The following HLCS variants were observed in gnomAD, a reference collection of about 807,000 sequenced individuals.
The protein encoded by HLCS is holocarboxylase synthetase.
A neutral mutation model predicts 75.0 loss-of-function variants in HLCS; 53 were observed. That is an observed-to-expected ratio of 0.71 (90% CI 0.57 to 0.89). The LOEUF is 0.89. HLCS is among the 40% of genes least tolerant of loss of function. The pLI is 0.00. For missense variants in HLCS, 966 were observed against 1,074.0 expected (o/e 0.90, Z 1.41); for synonymous variants, 431 against 428.6 (o/e 1.01, Z -0.07).
chr21:36,758,926 G>A (rs556062483), intron 9 of HLCS, among the ~76,000 whole-genome samples: 29 of 151,936 alleles, frequency 1.9e-4, no homozygotes, highest in Non-Finnish European at 4.0e-4. Context: ...GGAGGCTGCA[G>A]TGAGCCGAGA....
intron 5 of HLCS, among the ~76,000 whole-genome samples, chr21:36,911,836 C>G (rs1206429089): frequency 6.6e-6 from 1 of 150,908 alleles, no homozygotes; most frequent in Non-Finnish European, 1.5e-5. Context: ...TGGGAGGGGC[C>G]GAGGTGGGTG....
At position 36,752,575 on chromosome 21, in the gene HLCS, T is replaced by G. The variant is rs1321359313; in HGVS notation, c.*1671A>C. The G allele has an allele frequency of 6.6e-6, 1 of 152,660 alleles. No homozygotes were observed. The highest frequency in any genetic ancestry group is 2.1e-4 in the South Asian group (1 of 4,822). The allele number at this position is 152,660 out of a possible 1,614,324, so 9.5% of individuals were successfully genotyped here. On this transcript the variant is annotated 3_prime_UTR_variant, in exon 11 of 11. Transcript: ENST00000674895. ...ATTTGGGGATGGTGTGGACTTGTAT[T>G]TTACTTAAGTTTCTAACTAATTTTG...
At chr21:36,798,007 A>T (rs1253584543) in intron 6 of HLCS, among the ~76,000 whole-genome samples, 1 of 151,990 alleles carries the variant, frequency 6.6e-6, no homozygotes, top group Non-Finnish European at 1.5e-5. Context: ...AGAGCTAAGG[A>T]TGGTGGGGAG....
Position 36,754,190 on chromosome 21 carries a change from T to G in HLCS, c.*56A>C. On this transcript the variant is annotated 3_prime_UTR_variant, in exon 11 of 11. Transcript: ENST00000674895. ...AGAAAATTCACCTACAACTCTAAAT[T>G]AGATTTCCAGATGCATGGGCACGGA... is the stretch of plus-strand genomic sequence containing the variant. 6.4e-7 allele frequency: 1 copy of G among 1,552,288 alleles called. No individual in the cohort carries two copies. Among genetic ancestry groups the G allele is most frequent in the Admixed American group, 1.7e-5 (1 of 59,192 alleles).
chr21:36,989,558 A>C (rs369094045), intron 1 of HLCS, among the ~76,000 whole-genome samples: 22 of 152,098 alleles, frequency 1.4e-4, no homozygotes, highest in African/African-American at 4.6e-4. Flanking sequence ...CGAACTCCTG[A>C]CCTCAAGTGA....
intron 1 of HLCS, among the ~76,000 whole-genome samples, chr21:36,963,548 T>C (rs1346880849): frequency 6.6e-6 from 1 of 151,802 alleles, no homozygotes; most frequent in African/African-American, 2.4e-5. Flanking sequence ...AGGTTGGGAA[T>C]TGGAGACCAG....
At chr21:36,851,931 G>C (rs980352355) in intron 6 of HLCS, 1 of 152,270 alleles carries the variant, frequency 6.6e-6, no homozygotes, top group South Asian at 2.1e-4. Context: ...GTAAGAGCCC[G>C]CAGGCACCCT....
intron 2 of HLCS, among the ~76,000 whole-genome samples, chr21:36,960,224 T>C (rs911825190): frequency 4.8e-5 from 7 of 146,782 alleles, no homozygotes; most frequent in East Asian, 2.0e-4. Flanking sequence ...TCTGAGCTGG[T>C]AGAATGAGCT....
At chr21:36,921,335 C>T (rs543118389) in intron 5 of HLCS, among the ~76,000 whole-genome samples, 1 of 152,280 alleles carries the variant, frequency 6.6e-6, no homozygotes, top group East Asian at 1.9e-4. Context: ...ATTCCAGCTA[C>T]TCAGGAGGCT....
chr21:36,906,610 T>C (rs1180754150), intron 5 of HLCS, among the ~76,000 whole-genome samples: 4 of 150,524 alleles, frequency 2.7e-5, no homozygotes, highest in Non-Finnish European at 2.9e-5. Context: ...AGACTAACAC[T>C]GTTAAGATGT....
At chr21:36,969,306 G>C (rs1413949014), upstream of HLCS, among the ~76,000 whole-genome samples, 1 of 152,146 alleles carries the variant, frequency 6.6e-6, no homozygotes, top group Non-Finnish European at 1.5e-5. Context: ...GTATGCACCT[G>C]ATCCTCATCC....
At chr21:36,989,041 TA>T (rs145952471) in intron 1 of HLCS, among the ~76,000 whole-genome samples, 35,824 of 148,692 alleles carry the variant, frequency 0.24, 4,402 homozygotes, top group South Asian at 0.31. Context: ...TTTATTTATT[TA>T]TTTATTTTTT....
rs1471768359 is a variant in HLCS, at chr21:36,752,259, G to A, written c.*1987C>T. ...GCAGTATGCCCGGAACATCTCCATA[G>A]CCTTTGACAAGGCCACACTTCATTA... On this transcript the variant is annotated 3_prime_UTR_variant, in exon 11 of 11. Transcript: ENST00000674895. 6.5e-6 allele frequency: 1 copy of A among 152,678 alleles called. No homozygotes were observed. The highest frequency in any genetic ancestry group is 1.5e-5 in the Non-Finnish European group (1 of 68,056). The allele number at this position is 152,678 out of a possible 1,614,324, so 9.5% of individuals were successfully genotyped here.
intron 2 of HLCS, among the ~76,000 whole-genome samples, chr21:36,959,305 C>G (rs980927814): frequency 2.0e-5 from 3 of 152,324 alleles, no homozygotes; most frequent in African/African-American, 2.4e-5. Context: ...CACACCAGCC[C>G]CCTGCCACCT....
chr21:36,952,981 C>A (rs946257382), intron 2 of HLCS, among the ~76,000 whole-genome samples: 5 of 152,140 alleles, frequency 3.3e-5, no homozygotes, highest in African/African-American at 1.2e-4. Context: ...CCATGACTGT[C>A]CAGCTAGGGA....
intron 6 of HLCS, among the ~76,000 whole-genome samples, chr21:36,813,265 TG>T (rs2061564281): frequency 6.6e-6 from 1 of 152,166 alleles, no homozygotes; most frequent in East Asian, 1.9e-4. Flanking sequence ...GCCAAACAAC[TG>T]GTGTTTTAAT....
chr21:36,806,615 C>T (rs550317905), intron 6 of HLCS, among the ~76,000 whole-genome samples: 6 of 152,112 alleles, frequency 3.9e-5, no homozygotes, highest in Admixed American at 1.3e-4. Flanking sequence ...TGAAAAATTT[C>T]AAAAATAAAA....
In HLCS at chr21:36,756,738, T is replaced by C. The variant is rs1157095459; in HGVS notation, c.2254A>G (p.Thr752Ala). Reference protein sequence around the residue: ...YILIGCGFNVTNSNPTICIND... With the variant: ...YILIGCGFNVANSNPTICIND... Reference sequence around the variant, plus strand: ...ATGCAGATGGTAGGGTTACTGTTAGTCACATTAAATCCACAGCCTGGACAA... The same window carrying C: ...ATGCAGATGGTAGGGTTACTGTTAGCCACATTAAATCCACAGCCTGGACAA... The change falls in exon 10 of 11, where the codon ACT becomes GCT. Residue 752 changes from threonine (T) to alanine (A), a missense_variant. Physicochemically the swap from Thr to Ala is moderately conservative, Grantham distance 58. Transcript: ENST00000674895. 2 of 1,614,038 alleles carry C rather than the reference T, an allele frequency of 1.2e-6. No homozygotes were observed. The highest frequency in any genetic ancestry group is 1.7e-6 in the Non-Finnish European group (2 of 1,180,032).
At chr21:36,976,182 C>T (rs2068932246) in intron 1 of HLCS, among the ~76,000 whole-genome samples, 1 of 152,188 alleles carries the variant, frequency 6.6e-6, no homozygotes, top group Non-Finnish European at 1.5e-5. Context: ...CCAGCCCTGA[C>T]AGCCTTTGTA....
Sources: allele counts gnomAD v4.1 joint callset (sites outside exome capture counted in the v4.1 genomes callset), GRCh38; gene constraint gnomAD v4.1.1; transcripts MANE v1.5; gene names NCBI Gene and HGNC (gene_info 2026-07-23, HGNC 2026-07-21).